APLF: variants seen among roughly 807,000 people sequenced by gnomAD.
APLF encodes the protein aprataxin and PNK-like factor.
APLF carries 61 observed loss-of-function variants against 55.6 expected under a neutral mutation model. That is an observed-to-expected ratio of 1.10 (90% confidence interval 0.89 to 1.36). The LOEUF is 1.36. Among genes scored for constraint, APLF ranks in the 40% most tolerant of loss-of-function variants. The probability of loss-of-function intolerance (pLI) is 0.00; values close to 1 mark genes in which losing one functional copy is unlikely to be tolerated. For missense variants in APLF, 611 were observed against 602.5 expected, an observed-to-expected ratio of 1.01 and a Z score of -0.15; for synonymous variants, 207 against 214.8, an observed-to-expected ratio of 0.96 and a Z score of 0.32.
intron 8 of APLF, among the ~76,000 whole-genome samples, chr2:68,558,332 CAA>C (rs1223625769): frequency 1.3e-5 from 2 of 152,106 alleles, no homozygotes; most frequent in African/African-American, 2.4e-5. Flanking sequence ...TATCAGGTAA[CAA>C]AGTGAGTACT....
intron 5 of APLF, among the ~76,000 whole-genome samples, chr2:68,517,039 TATA>T (rs1157502159): frequency 1.6e-5 from 2 of 124,438 alleles, no homozygotes; most frequent in African/African-American, 3.2e-5. Context: ...ATATATAATA[TATA>T]ATAACATGTT....
intron 6 of APLF, among the ~76,000 whole-genome samples, chr2:68,536,220 A>G (rs1284747465): frequency 6.6e-6 from 1 of 152,138 alleles, no homozygotes; most frequent in South Asian, 2.1e-4. Context: ...CATGACATGA[A>G]TGTTGCCAGT....
chr2:68,526,142 A>G lies in APLF; in HGVS notation c.704A>G (p.Gln235Arg). 1 of 1,614,018 alleles carries G rather than the reference A, an allele frequency of 6.2e-7. No homozygotes were observed. The highest frequency in any genetic ancestry group is 1.7e-5 in the Admixed American group (1 of 60,026). ...QLNTTQQGRR[Q>R]LISSGSSENT... ...AACACAACCCAGCAAGGAAGAAGGCAATTAATTTCATCAGGAAGTTCAGAA... is the reference window on the plus strand; with the variant it reads ...AACACAACCCAGCAAGGAAGAAGGCGATTAATTTCATCAGGAAGTTCAGAA... The change falls in exon 6 of 10, where the codon CAA becomes CGA. Residue 235 changes from glutamine to arginine, a missense_variant. Transcript: ENST00000303795.
chr2:68,474,852 G>A (rs1444861911), intron 1 of APLF, among the ~76,000 whole-genome samples: 1 of 152,148 alleles, frequency 6.6e-6, no homozygotes, highest in African/African-American at 2.4e-5. Flanking sequence ...ATTTTTAATA[G>A]AGACACGGTT....
chr2:68,517,087 T>TTAATATA (rs1203046886), intron 5 of APLF, among the ~76,000 whole-genome samples: 1 of 122,154 alleles, frequency 8.2e-6, no homozygotes, highest in Non-Finnish European at 1.6e-5. Flanking sequence ...TAATATGTTA[T>TTAATATA]TAATATATAA....
intron 8 of APLF, among the ~76,000 whole-genome samples, chr2:68,549,958 A>AT (rs918052463): frequency 6.6e-6 from 1 of 151,924 alleles, no homozygotes; most frequent in African/African-American, 2.4e-5. Flanking sequence ...TGTTTTTAAT[A>AT]TTTTTTCCAG....
chr2:68,516,983 T>A (rs1368009975), intron 5 of APLF, among the ~76,000 whole-genome samples: 3 of 124,574 alleles, frequency 2.4e-5, no homozygotes, highest in African/African-American at 9.5e-5. Context: ...ATAATATAAT[T>A]ATATATAATA....
chr2:68,483,336 A>G (rs1676023343), intron 1 of APLF, among the ~76,000 whole-genome samples: 1 of 152,176 alleles, frequency 6.6e-6, no homozygotes, highest in Admixed American at 6.5e-5. Flanking sequence ...TGTGCTTACC[A>G]TTACCCCATA....
intron 3 of APLF, among the ~76,000 whole-genome samples, chr2:68,504,535 G>A (rs1308125931): frequency 6.6e-6 from 1 of 151,884 alleles, no homozygotes; most frequent in Admixed American, 6.6e-5. Flanking sequence ...CATTTTAATA[G>A]ATGCTCAAAA....
intron 1 of APLF, among the ~76,000 whole-genome samples, chr2:68,471,980 A>G (rs542391571): frequency 2.6e-5 from 4 of 152,294 alleles, no homozygotes; most frequent in African/African-American, 9.6e-5. Flanking sequence ...TAAGAAATAC[A>G]TTGGTTTGGT....
chr2:68,543,171 G>A (rs998210088), intron 7 of APLF, among the ~76,000 whole-genome samples: 5 of 152,260 alleles, frequency 3.3e-5, no homozygotes, highest in South Asian at 2.1e-4. Flanking sequence ...GGTGGATTCC[G>A]GGGAGGACAG....
At chr2:68,515,533 A>G (rs1177678686) in intron 5 of APLF, 10 of 944,814 alleles carry the variant, frequency 1.1e-5, no homozygotes, top group East Asian at 1.2e-4. Flanking sequence ...ACTGCTTATA[A>G]TAATAGTTCA....
intron 6 of APLF, among the ~76,000 whole-genome samples, chr2:68,530,003 A>T (rs1670203347): frequency 6.6e-6 from 1 of 152,236 alleles, no homozygotes; most frequent in Non-Finnish European, 1.5e-5. Flanking sequence ...AAGGGCCACC[A>T]GCCTCGCTCC....
At chr2:68,478,850 C>T (rs1023107411) in intron 1 of APLF, among the ~76,000 whole-genome samples, 1 of 152,156 alleles carries the variant, frequency 6.6e-6, no homozygotes, top group African/African-American at 2.4e-5. Context: ...TAGTACTGCC[C>T]TTATCTACAA....
At chr2:68,468,791 A>G (rs866008683) in intron 1 of APLF, among the ~76,000 whole-genome samples, 17 of 152,218 alleles carry the variant, frequency 1.1e-4, no homozygotes, top group Middle Eastern at 3.4e-3. Flanking sequence ...ATGGGTCCCT[A>G]CCCTTTAGGA....
rs189932351 is a variant in APLF, at chr2:68,496,626, C to T, written c.169-6105C>T. Among the ~76,000 whole-genome samples the T allele has an allele frequency of 1.4e-3, 215 of 152,304 alleles. 4 individuals carry two copies. The highest frequency in any genetic ancestry group is 1.5e-4 in the Non-Finnish European group (10 of 68,018). On this transcript the variant is annotated intron_variant, in intron 2 of 9. Transcript: ENST00000303795. ...CAGGTTGTTAGAAGCAGCCAGGCCACTTCTTGAACACTTTGCTGCTTAGAG... is the reference window on the plus strand; with the variant it reads ...CAGGTTGTTAGAAGCAGCCAGGCCATTTCTTGAACACTTTGCTGCTTAGAG...
chr2:68,577,773 G>T, intron 9 of APLF, 47 bp from the exon 10 acceptor site: 1 of 1,596,268 alleles, frequency 6.3e-7, no homozygotes, highest in South Asian at 1.1e-5. Flanking sequence ...TGTCATCCCA[G>T]GTTGAGTGGT....
chr2:68,488,333 T>C (rs976343738), intron 1 of APLF, among the ~76,000 whole-genome samples: 1 of 148,332 alleles, frequency 6.7e-6, no homozygotes, highest in African/African-American at 2.5e-5. Flanking sequence ...TATTATCTTT[T>C]TTTTTTTTTT....
In APLF at chr2:68,526,143, A is replaced by C. The variant is rs749033431; in HGVS notation, c.705A>C (p.Gln235His). ...QLNTTQQGRRQLISSGSSENT... is the reference protein window; with the variant it reads ...QLNTTQQGRRHLISSGSSENT... ...ACACAACCCAGCAAGGAAGAAGGCAATTAATTTCATCAGGAAGTTCAGAAA... is the reference window on the plus strand; with the variant it reads ...ACACAACCCAGCAAGGAAGAAGGCACTTAATTTCATCAGGAAGTTCAGAAA... The change falls in exon 6 of 10, where the codon CAA becomes CAC. Residue 235 changes from glutamine (Q) to histidine (H), a missense_variant. Gln to His is a conservative substitution (Grantham distance 24, BLOSUM62 0). Coordinates refer to ENST00000303795, the MANE Select transcript of APLF (RefSeq NM_173545.3). The C allele has an allele frequency of 7.4e-6, 12 of 1,614,022 alleles. No individual in the cohort carries two copies. The highest frequency in any genetic ancestry group is 1.0e-5 in the Non-Finnish European group (12 of 1,179,986).
Sources: allele counts gnomAD v4.1 joint callset (sites outside exome capture counted in the v4.1 genomes callset), GRCh38; gene constraint gnomAD v4.1.1; transcripts MANE v1.5; gene names NCBI Gene and HGNC (gene_info 2026-07-23, HGNC 2026-07-21).